CSTPP1: variants seen among roughly 807,000 people sequenced by gnomAD.
CSTPP1 encodes centriolar satellite-associated tubulin polyglutamylase complex regulator 1.
At chr11:47,089,521 A>T in the CSTPP1 span, among the ~76,000 whole-genome samples, 1 of 152,236 alleles carries the variant, frequency 6.6e-6, no homozygotes, top group East Asian at 1.9e-4. Context: ...TTTGATTTGC[A>T]TTAAACATTA....
chr11:46,951,181 C>A, the CSTPP1 span, among the ~76,000 whole-genome samples: 1 of 151,972 alleles, frequency 6.6e-6, no homozygotes, highest in Non-Finnish European at 1.5e-5. Context: ...CACTTTCTTT[C>A]AGGTTTTGTA....
chr11:46,940,540 C>T, the CSTPP1 span, among the ~76,000 whole-genome samples: 1 of 152,124 alleles, frequency 6.6e-6, no homozygotes, highest in Non-Finnish European at 1.5e-5. Flanking sequence ...TTTTTTCAAT[C>T]TAAGTGACAG....
the CSTPP1 span, among the ~76,000 whole-genome samples, chr11:47,016,410 A>C: frequency 1.3e-5 from 2 of 148,794 alleles, no homozygotes; most frequent in South Asian, 2.1e-4. Flanking sequence ...AAAACAAAAA[A>C]CAAAAAAAAA....
At chr11:47,056,587 G>A in the CSTPP1 span, among the ~76,000 whole-genome samples, 75 of 152,258 alleles carry the variant, frequency 4.9e-4, no homozygotes, top group Non-Finnish European at 7.9e-4. Context: ...GCTGTTTATT[G>A]TTATCCTTCT....
the CSTPP1 span, among the ~76,000 whole-genome samples, chr11:47,028,467 C>T: frequency 6.6e-6 from 1 of 152,136 alleles, no homozygotes; most frequent in Non-Finnish European, 1.5e-5. Flanking sequence ...ATTAGAAATA[C>T]TGTAGTTCTA....
the CSTPP1 span, among the ~76,000 whole-genome samples, chr11:47,091,877 C>T: frequency 9.9e-5 from 15 of 152,220 alleles, no homozygotes; most frequent in Non-Finnish European, 2.2e-4. Context: ...CCCCTAGAAC[C>T]TCCAGGAGGA....
chr11:47,107,941 C>G, the CSTPP1 span, among the ~76,000 whole-genome samples: 12,816 of 152,248 alleles, frequency 0.084, 1,812 homozygotes, highest in African/African-American at 0.29. Context: ...TTCTCTGTGG[C>G]CAGGCAAATA....
the CSTPP1 span, among the ~76,000 whole-genome samples, chr11:46,997,526 T>A: frequency 1.3e-5 from 2 of 152,336 alleles, no homozygotes; most frequent in Middle Eastern, 6.8e-3. Context: ...CGGAGAAGTT[T>A]GTTATTACCT....
At chr11:47,064,201 T>C in the CSTPP1 span, among the ~76,000 whole-genome samples, 6 of 152,204 alleles carry the variant, frequency 3.9e-5, no homozygotes, top group Non-Finnish European at 8.8e-5. Flanking sequence ...GAGTTCTTCA[T>C]GTATTCTGGA....
the CSTPP1 span, among the ~76,000 whole-genome samples, chr11:47,043,821 G>A: frequency 6.6e-6 from 1 of 152,048 alleles, no homozygotes; most frequent in Admixed American, 6.6e-5. Context: ...GCGAAACCCT[G>A]TCTCTACAAT....
At chr11:46,964,938 G>A in the CSTPP1 span, among the ~76,000 whole-genome samples, 1 of 152,104 alleles carries the variant, frequency 6.6e-6, no homozygotes, top group Non-Finnish European at 1.5e-5. Context: ...GTAACCATGT[G>A]TGGGAAAACA....
chr11:47,115,872 T>C, the CSTPP1 span, among the ~76,000 whole-genome samples: 1 of 152,200 alleles, frequency 6.6e-6, no homozygotes, highest in Non-Finnish European at 1.5e-5. Flanking sequence ...TTTGAATTTG[T>C]TTGCTCTTGC....
the CSTPP1 span, among the ~76,000 whole-genome samples, chr11:47,101,756 C>T: frequency 2.6e-5 from 4 of 152,242 alleles, no homozygotes; most frequent in African/African-American, 9.6e-5. Context: ...TTGCTTTTGT[C>T]CTGTCAGATG....
chr11:46,968,142 A>T, the CSTPP1 span, among the ~76,000 whole-genome samples: 1 of 151,688 alleles, frequency 6.6e-6, no homozygotes, highest in Non-Finnish European at 1.5e-5. Flanking sequence ...TCAGAAGGTC[A>T]GATAACTGAC....
At chr11:46,965,824 A>T in the CSTPP1 span, among the ~76,000 whole-genome samples, 3 of 152,210 alleles carry the variant, frequency 2.0e-5, no homozygotes, top group African/African-American at 7.2e-5. Flanking sequence ...GGTTAGTTGC[A>T]TTGTGAAATC....
the CSTPP1 span, among the ~76,000 whole-genome samples, chr11:47,119,483 T>C: frequency 6.6e-6 from 1 of 151,888 alleles, no homozygotes; most frequent in Non-Finnish European, 1.5e-5. Flanking sequence ...TGAGTCCCAG[T>C]GAGATGAACC....
chr11:46,988,253 T>C, the CSTPP1 span, among the ~76,000 whole-genome samples: 2 of 152,164 alleles, frequency 1.3e-5, no homozygotes, highest in Non-Finnish European at 2.9e-5. Flanking sequence ...CGAATAAATA[T>C]CAGTACTCCT....
the CSTPP1 span, among the ~76,000 whole-genome samples, chr11:46,956,707 T>C: frequency 6.6e-6 from 1 of 152,136 alleles, no homozygotes; most frequent in Non-Finnish European, 1.5e-5. Flanking sequence ...TAAAATAACA[T>C]GCTTAAATTG....
the CSTPP1 span, among the ~76,000 whole-genome samples, chr11:47,096,739 A>G: frequency 6.6e-6 from 1 of 152,030 alleles, no homozygotes; most frequent in Admixed American, 6.6e-5. Context: ...ATGAAAATTA[A>G]TAAGTATGTT....
Sources: gnomAD v4.1 joint callset for allele counts (sites outside exome capture counted in the v4.1 genomes callset) on GRCh38, gnomAD v4.1.1 for gene constraint, MANE v1.5 for transcripts, NCBI Gene and HGNC (gene_info 2026-07-23, HGNC 2026-07-21) for gene names.